Variants in MOB2 observed in about 807,000 individuals in gnomAD.
MOB2 encodes the protein MOB2 Mps One Binder homolog.
Under a neutral mutation model 27.4 loss-of-function variants are expected in MOB2, and 14 were observed. The observed-to-expected ratio is 0.51, with a 90% CI of 0.34 to 0.80. The LOEUF is 0.80. Ranked by LOEUF, MOB2 falls within the 30% of genes least tolerant of loss-of-function variation. The pLI, the probability that MOB2 is intolerant of heterozygous loss-of-function variation, is 0.01. For synonymous variants in MOB2, 167 were observed against 151.8 expected (o/e 1.10, Z -0.74); for missense variants, 304 against 354.6 (o/e 0.86, Z 1.15).
chr11:1,470,055 G>T lies in MOB2; in HGVS notation c.*117C>A. ...GTGCAGCCCACACCAGTGCAGCCCG[G>T]GGCCCTCTCAGACCTCACCACACGC... On this transcript the variant is annotated 3_prime_UTR_variant, in exon 5 of 5. Coordinates refer to ENST00000329957, the MANE Select transcript of MOB2 (RefSeq NM_001172223.3). The T allele has an allele frequency of 6.5e-7, 1 of 1,537,746 alleles. No homozygotes were observed. The highest frequency in any genetic ancestry group is 8.7e-7 in the Non-Finnish European group (1 of 1,146,760).
chr11:1,479,392 C>A (rs1775172608), intron 3 of MOB2, among the ~76,000 whole-genome samples: 1 of 152,244 alleles, frequency 6.6e-6, no homozygotes. Flanking sequence ...GCACTGTCCC[C>A]ATCTTCCTGG....
At chr11:1,480,701 G>A (rs1847901758) in intron 2 of MOB2, 24 bp downstream of exon 2, 1 of 1,593,888 alleles carries the variant, frequency 6.3e-7, no homozygotes, top group African/African-American at 1.3e-5. Flanking sequence ...GAGGGAGGGG[G>A]CCCGCCCCCA....
chr11:1,471,642 C>T (rs755059380), intron 3 of MOB2: 52 of 502,566 alleles, frequency 1.0e-4, no homozygotes, highest in Middle Eastern at 5.2e-4. Flanking sequence ...CTTAGAACTA[C>T]GCCAGGATCA....
chr11:1,480,532 A>G (rs1847899389), intron 2 of MOB2, 46 bp from the exon 3 acceptor site: 1 of 1,597,790 alleles, frequency 6.3e-7, no homozygotes, highest in African/African-American at 1.3e-5. Context: ...GCCAGAGCTG[A>G]GCCGCCCCGT....
At chr11:1,481,212 G>C (rs1230637114) in intron 1 of MOB2, 4 of 432,916 alleles carry the variant, frequency 9.2e-6, no homozygotes, top group Non-Finnish European at 1.7e-5. Context: ...AGGGCCCCCA[G>C]CGCCCACCTT....
chr11:1,471,598 C>T, intron 3 of MOB2, 179 bp from the exon 4 acceptor site: 1 of 678,920 alleles, frequency 1.5e-6, no homozygotes, highest in South Asian at 2.0e-5. Flanking sequence ...GCGGGGACCA[C>T]ACTGCACTCT....
At chr11:1,477,485 CA>C (rs1847864281) in intron 3 of MOB2, among the ~76,000 whole-genome samples, 1 of 152,172 alleles carries the variant, frequency 6.6e-6, no homozygotes, top group African/African-American at 2.4e-5. Context: ...ACCCCAGACG[CA>C]AGGGTATCTG....
intron 1 of MOB2, among the ~76,000 whole-genome samples, chr11:1,486,031 C>T (rs1847966085): frequency 6.6e-6 from 1 of 152,248 alleles, no homozygotes; most frequent in Admixed American, 6.5e-5. Context: ...CAAACAGCCG[C>T]ACGCTGGGAC....
At position 1,469,896 on chromosome 11, in the gene MOB2, G is replaced by A. The variant is rs1413882527; in HGVS notation, c.*276C>T. 4 of 760,018 alleles carry A rather than the reference G, an allele frequency of 5.3e-6. No homozygotes were observed. Among genetic ancestry groups the A allele is most frequent in the East Asian group, 2.8e-5 (1 of 35,278 alleles). The allele number at this position is 760,018 out of a possible 1,614,324, so 47.1% of individuals were successfully genotyped here. A position where few individuals can be genotyped will look rare whatever the true frequency, so the allele number is the denominator to read the frequency against. On this transcript the variant is annotated 3_prime_UTR_variant, in exon 5 of 5. Coordinates refer to ENST00000329957, the MANE Select transcript of MOB2 (RefSeq NM_001172223.3). ...CCAGAGAAAGGAAAACCCCACAGAA[G>A]AAAACTCAAAGCATCAGTCCCATGC... is the stretch of plus-strand genomic sequence containing the variant.
chr11:1,486,702 G>A lies in MOB2; in HGVS notation c.-146C>T. 1.6e-6 allele frequency: 1 copy of A among 618,218 alleles called. No individual in the cohort carries two copies. Among genetic ancestry groups the A allele is most frequent in the Non-Finnish European group, 2.9e-6 (1 of 347,300 alleles). The allele number at this position is 618,218 out of a possible 1,614,324, so 38.3% of individuals were successfully genotyped here. A position where few individuals can be genotyped will look rare whatever the true frequency, so the allele number is the denominator to read the frequency against. On this transcript the variant is annotated 5_prime_UTR_variant, in exon 1 of 5. Transcript: ENST00000329957. ...GACAAACAGCTGCCCCCTTTCCAGA[G>A]GCAAGGGCTGGCCAAGGCTGGTGAA...
intron 4 of MOB2, 116 bp downstream of exon 4, chr11:1,471,179 T>A (rs569241701): frequency 2.0e-4 from 277 of 1,380,314 alleles, no homozygotes; most frequent in Admixed American, 1.1e-3. Flanking sequence ...GTGGTGCAGC[T>A]GCCGCCCTCC....
intron 1 of MOB2, among the ~76,000 whole-genome samples, chr11:1,483,817 C>A (rs1847941331): frequency 6.6e-6 from 1 of 152,212 alleles, no homozygotes; most frequent in Non-Finnish European, 1.5e-5. Context: ...GTGAGGCAAT[C>A]CCTGCTAGAC....
chr11:1,478,390 G>A (rs1023500015), intron 3 of MOB2, among the ~76,000 whole-genome samples: 4 of 152,276 alleles, frequency 2.6e-5, no homozygotes, highest in African/African-American at 9.6e-5. Flanking sequence ...TCTGCTGGCT[G>A]TGAGGGCTCT....
chr11:1,481,765 G>T (rs993107363), intron 1 of MOB2, among the ~76,000 whole-genome samples: 1 of 147,498 alleles, frequency 6.8e-6, no homozygotes, highest in Admixed American at 6.7e-5. Context: ...CAGGGGCAGG[G>T]AGGGGCAGGG....
At chr11:1,484,159 C>T (rs1440851193) in intron 1 of MOB2, among the ~76,000 whole-genome samples, 7 of 152,198 alleles carry the variant, frequency 4.6e-5, no homozygotes, top group East Asian at 1.9e-4. Context: ...GCCCAGAGCA[C>T]GCTTGCTATG....
At chr11:1,474,917 T>C (rs1294215181) in intron 3 of MOB2, among the ~76,000 whole-genome samples, 1 of 152,254 alleles carries the variant, frequency 6.6e-6, no homozygotes, top group Non-Finnish European at 1.5e-5. Context: ...GCTATTTCAG[T>C]TAATTTGTCC....
intron 3 of MOB2, among the ~76,000 whole-genome samples, chr11:1,477,488 G>A (rs568628221): frequency 2.6e-5 from 4 of 152,324 alleles, no homozygotes; most frequent in East Asian, 1.9e-4. Context: ...CCAGACGCAA[G>A]GGTATCTGGA....
In MOB2 at chr11:1,470,111, C is replaced by A. The variant is rs62623399; in HGVS notation, c.*61G>T. On this transcript the variant is annotated 3_prime_UTR_variant, in exon 5 of 5. Coordinates refer to ENST00000329957, the MANE Select transcript of MOB2 (RefSeq NM_001172223.3). ...CAGCACATGTGTGCACACGCAGATGCAGGAGAGAACACACACCACCGTCTC... is the reference window on the plus strand; with the variant it reads ...CAGCACATGTGTGCACACGCAGATGAAGGAGAGAACACACACCACCGTCTC... The A allele has an allele frequency of 2.6e-6, 4 of 1,549,428 alleles. No individual in the cohort carries two copies. The highest frequency in any genetic ancestry group is 3.5e-6 in the Non-Finnish European group (4 of 1,147,710).
chr11:1,483,785 C>T (rs1105350), intron 1 of MOB2, among the ~76,000 whole-genome samples: 80,544 of 152,130 alleles, frequency 0.53, 21,964 homozygotes, highest in Non-Finnish European at 0.57. Flanking sequence ...GCACCCAGCA[C>T]GTAACTGATC....
Sources: gnomAD v4.1 joint callset for allele counts (sites outside exome capture counted in the v4.1 genomes callset) on GRCh38, gnomAD v4.1.1 for gene constraint, MANE v1.5 for transcripts, NCBI Gene and HGNC (gene_info 2026-07-23, HGNC 2026-07-21) for gene names.